SLC9D1: variants seen among roughly 807,000 people sequenced by gnomAD.
SLC9D1 encodes the protein putative LAG1-interacting protein.
At chr13:113,533,476 G>A in the SLC9D1 span, among the ~76,000 whole-genome samples, 1 of 152,194 alleles carries the variant, frequency 6.6e-6, no homozygotes, top group Non-Finnish European at 1.5e-5. Context: ...TTAAATATAG[G>A]TATATTTGTG....
the SLC9D1 span, chr13:113,549,630 C>A: frequency 6.6e-7 from 1 of 1,509,880 alleles, no homozygotes; most frequent in Non-Finnish European, 9.2e-7. Flanking sequence ...AAGCTCGCAC[C>A]TTGGCAACAG....
chr13:113,498,393 G>T, the SLC9D1 span: 4 of 1,574,152 alleles, frequency 2.5e-6, no homozygotes, highest in Admixed American at 4.2e-5. Context: ...TCAAGTTGAA[G>T]CCCTTAAAAA....
chr13:113,547,410 AGT>A, the SLC9D1 span: 1 of 1,563,884 alleles, frequency 6.4e-7, no homozygotes. Flanking sequence ...CGCCCCTCGC[AGT>A]TTGCAGGCTC....
chr13:113,539,108 A>G, the SLC9D1 span, among the ~76,000 whole-genome samples: 1 of 152,260 alleles, frequency 6.6e-6, no homozygotes, highest in Non-Finnish European at 1.5e-5. This position sits in a 1 kb window ranked among gnomAD's most constrained non-coding sequence, Gnocchi z 4.8. Flanking sequence ...CGCAATCTGT[A>G]TGGATATTTG....
At chr13:113,499,218 G>A in the SLC9D1 span, among the ~76,000 whole-genome samples, 2 of 152,114 alleles carry the variant, frequency 1.3e-5, no homozygotes, top group South Asian at 2.1e-4. Context: ...CAGTGAGGAC[G>A]AGCAGAGGTC....
At chr13:113,534,285 C>G in the SLC9D1 span, 2 of 1,428,166 alleles carry the variant, frequency 1.4e-6, no homozygotes, top group Non-Finnish European at 2.0e-6. Context: ...GATACATAAT[C>G]TCTTTCACTG....
the SLC9D1 span, chr13:113,520,605 T>TC: frequency 4.4e-6 from 7 of 1,600,774 alleles, no homozygotes; most frequent in Non-Finnish European, 6.0e-6. Context: ...TCAATGCCTT[T>TC]CCCCCCACAG....
the SLC9D1 span, among the ~76,000 whole-genome samples, chr13:113,544,551 G>A: frequency 4.6e-5 from 7 of 152,226 alleles, no homozygotes; most frequent in South Asian, 6.2e-4. Flanking sequence ...ATCAGCAGCC[G>A]CTGTTGGGCT....
At chr13:113,500,129 G>T in the SLC9D1 span, 5 of 1,534,960 alleles carry the variant, frequency 3.3e-6, no homozygotes, top group Non-Finnish European at 4.4e-6. Context: ...CATCCCACGT[G>T]CAGATCACCA....
the SLC9D1 span, among the ~76,000 whole-genome samples, chr13:113,506,859 T>C: frequency 6.6e-6 from 1 of 152,224 alleles, no homozygotes; most frequent in Admixed American, 6.5e-5. Flanking sequence ...GAGCATGTGC[T>C]TCATCAGGCC....
At chr13:113,549,551 G>A in the SLC9D1 span, 1 of 1,613,994 alleles carries the variant, frequency 6.2e-7, no homozygotes, top group Non-Finnish European at 8.5e-7. Flanking sequence ...GCTCGGAGAT[G>A]ATGGACCGTG....
At chr13:113,535,437 C>T in the SLC9D1 span, among the ~76,000 whole-genome samples, 3 of 152,186 alleles carry the variant, frequency 2.0e-5, 1 homozygote, top group Admixed American at 2.0e-4. This position sits in a 1 kb window ranked among gnomAD's most constrained non-coding sequence, Gnocchi z 4.1. Flanking sequence ...ACTGTTCAGC[C>T]CGGCAGGTGC....
chr13:113,498,738 C>G, the SLC9D1 span: 1 of 405,078 alleles, frequency 2.5e-6, no homozygotes, highest in South Asian at 2.9e-5. Context: ...CAGTCAGTTC[C>G]CCTCCTCAGC....
At chr13:113,501,871 T>C in the SLC9D1 span, 8 of 1,609,996 alleles carry the variant, frequency 5.0e-6, no homozygotes, top group East Asian at 8.9e-5. Context: ...CAGGACTAAA[T>C]AGTATTAAGG....
At chr13:113,522,607 TGGGATTATA>T in the SLC9D1 span, among the ~76,000 whole-genome samples, 2 of 152,168 alleles carry the variant, frequency 1.3e-5, no homozygotes, top group African/African-American at 4.8e-5. Context: ...CCCAAAGTGC[TGGGATTATA>T]GGCGTGAGCA....
At chr13:113,508,357 A>G in the SLC9D1 span, among the ~76,000 whole-genome samples, 1 of 152,242 alleles carries the variant, frequency 6.6e-6, no homozygotes, top group Admixed American at 6.5e-5. Flanking sequence ...CACTGCTTGC[A>G]GGAGTAACCC....
At chr13:113,515,982 G>A in the SLC9D1 span, among the ~76,000 whole-genome samples, 3 of 150,582 alleles carry the variant, frequency 2.0e-5, no homozygotes, top group African/African-American at 4.9e-5. Context: ...TATTGTAATA[G>A]ATTTTTGTGT....
chr13:113,498,139 C>T, the SLC9D1 span, among the ~76,000 whole-genome samples: 2 of 152,202 alleles, frequency 1.3e-5, no homozygotes, highest in Non-Finnish European at 2.9e-5. Context: ...TGTTGATGTA[C>T]GTACACAAAA....
chr13:113,526,010 G>C, the SLC9D1 span, among the ~76,000 whole-genome samples: 1 of 139,888 alleles, frequency 7.1e-6, no homozygotes, highest in East Asian at 2.2e-4. Flanking sequence ...AGAAGAAGCC[G>C]TCGTCGTCGT....
Sources: gnomAD v4.1 joint callset for allele counts (sites outside exome capture counted in the v4.1 genomes callset) on GRCh38, gnomAD v4.1.1 for gene constraint, Gnocchi (gnomAD v3.1) non-coding constraint, MANE v1.5 for transcripts, NCBI Gene and HGNC (gene_info 2026-07-23, HGNC 2026-07-21) for gene names.